Variants in BFAR observed in about 807,000 individuals in gnomAD.
BFAR encodes the protein bifunctional apoptosis regulator.
In BFAR, 52 loss-of-function variants were observed where a neutral mutation model predicts 54.4. The observed-to-expected ratio is 0.96, with a 90% CI of 0.77 to 1.21. The LOEUF is 1.21. Ranked by LOEUF, BFAR falls within the 50% of genes most tolerant of loss-of-function variation. The pLI, the probability that BFAR is intolerant of heterozygous loss-of-function variation, is 0.00. For missense variants in BFAR, 571 were observed against 534.0 expected (o/e 1.07, Z -0.68); for synonymous variants, 215 against 204.3 (o/e 1.05, Z -0.45).
At position 14,664,921 on chromosome 16, in the gene BFAR, C is replaced by G. The variant is rs137925406; in HGVS notation, c.1010C>G (p.Ser337Cys). 2.8e-5 allele frequency: 45 copies of G among 1,613,886 alleles called. No individual in the cohort carries two copies. The highest frequency in any genetic ancestry group is 3.4e-5 in the Non-Finnish European group (40 of 1,179,922). Residue 337 changes from serine to cysteine, a missense_variant, in exon 7 of 8, where the codon TCC (serine) becomes TGC (cysteine). Transcript: ENST00000261658. ...TGGAGAGAGTTCCTGGTCAAATACT[C>G]CTTCCTTCCATACCAGCTGATTGCT... The part of the protein sequence containing the change: ...KQWREFLVKY[S>C]FLPYQLIAEF...
rs1370387267 is a variant in BFAR at position 14,644,397 on chromosome 16, T to G, written c.51T>G (p.Asp17Glu). The change falls in exon 2 of 8, where the codon GAT becomes GAG. Residue 17 changes from aspartate (D) to glutamate (E), a missense_variant. Physicochemically the swap from Asp to Glu is conservative, Grantham distance 45 (BLOSUM62 2). Coordinates refer to ENST00000261658, the MANE Select transcript of BFAR (RefSeq NM_016561.3). ...SYVNTMDLER[D>E]EPLKSTGPQI... Reference sequence around the variant, plus strand: ...TGAACACAATGGACCTTGAGAGAGATGAACCTCTCAAAAGCACCGGCCCTC... The same window carrying G: ...TGAACACAATGGACCTTGAGAGAGAGGAACCTCTCAAAAGCACCGGCCCTC... 1.9e-6 allele frequency: 3 copies of G among 1,613,614 alleles called. No individual in the cohort carries two copies. Among genetic ancestry groups the G allele is most frequent in the Non-Finnish European group, 2.5e-6 (3 of 1,179,764 alleles).
In BFAR at chr16:14,665,004, A is replaced by G; in HGVS notation, c.1093A>G (p.Asn365Asp). 6.2e-7 allele frequency: 1 copy of G among 1,614,086 alleles called. No individual in the cohort carries two copies. Among genetic ancestry groups the G allele is most frequent in the Non-Finnish European group, 8.5e-7 (1 of 1,179,964 alleles). The change falls in exon 7 of 8, where the codon AAT (asparagine) becomes GAT (aspartate). Residue 365 changes from asparagine to aspartate, a missense_variant. Transcript: ENST00000261658. The part of the protein sequence containing the change: ...HYWTSRFLII[N>D]AMLLSVLELF... ...CTGGACATCACGGTTTCTCATCATC[A>G]ATGCTATGTTACTCTCAGTTCTGGA...
chr16:14,633,641 C>T (rs915214373), intron 1 of BFAR, among the ~76,000 whole-genome samples: 1 of 152,140 alleles, frequency 6.6e-6, no homozygotes, highest in African/African-American at 2.4e-5. Flanking sequence ...ATAACTTAGG[C>T]AAAAGAGAAT....
intron 5 of BFAR, among the ~76,000 whole-genome samples, chr16:14,657,888 T>TA (rs1555515268): frequency 3.6e-4 from 55 of 151,886 alleles, no homozygotes; most frequent in South Asian, 6.2e-4. Context: ...ATTAATCTCT[T>TA]AAAAAAAAAT....
intron 1 of BFAR, among the ~76,000 whole-genome samples, chr16:14,639,927 G>A (rs1046691144): frequency 6.6e-6 from 1 of 151,972 alleles, no homozygotes; most frequent in African/African-American, 2.4e-5. Context: ...GGGAGGTCGC[G>A]GTAGGCAGAT....
At chr16:14,667,227 C>T in intron 7 of BFAR, 1 of 161,608 alleles carries the variant, frequency 6.2e-6, no homozygotes, top group Non-Finnish European at 1.3e-5. Context: ...GTGATGTGTG[C>T]CTGTGGTCCC....
chr16:14,640,088 G>T (rs1373625460), intron 1 of BFAR, among the ~76,000 whole-genome samples: 1 of 151,180 alleles, frequency 6.6e-6, no homozygotes, highest in Non-Finnish European at 1.5e-5. Context: ...GGAGGTCGAG[G>T]CTACAGTGAG....
At chr16:14,667,389 A>G in intron 7 of BFAR, 3 of 474,788 alleles carry the variant, frequency 6.3e-6, no homozygotes, top group Admixed American at 3.6e-5. Flanking sequence ...GAAGCAGGTG[A>G]AGTTGAGGCT....
chr16:14,638,760 A>G (rs1000083127), intron 1 of BFAR, among the ~76,000 whole-genome samples: 3 of 152,108 alleles, frequency 2.0e-5, no homozygotes, highest in Non-Finnish European at 2.9e-5. Context: ...AGTCTGGCCA[A>G]CGTGGCAAAC....
Position 14,655,062 on chromosome 16 carries a change from A to C in BFAR, c.639-4A>C. 7.5e-6 allele frequency: 12 copies of C among 1,602,522 alleles called. No homozygotes were observed. Among genetic ancestry groups the C allele is most frequent in the Non-Finnish European group, 1.0e-5 (12 of 1,176,342 alleles). Reference sequence around the variant, plus strand: ...AAAATAAATCTCCTCCTGCCCCTCTACAGGTTGCTTTTAACTTTGACAGAG... The same window carrying C: ...AAAATAAATCTCCTCCTGCCCCTCTCCAGGTTGCTTTTAACTTTGACAGAG... On this transcript the variant is annotated splice_region_variant and splice_polypyrimidine_tract_variant and intron_variant, in intron 4 of 7. Transcript: ENST00000261658.
intron 6 of BFAR, among the ~76,000 whole-genome samples, chr16:14,663,872 C>CT (rs936602660): frequency 1.3e-4 from 20 of 149,136 alleles, no homozygotes; most frequent in South Asian, 4.2e-4. Flanking sequence ...ATAATTCATG[C>CT]TTTTTTTTTT....
At chr16:14,661,790 A>G (rs769448722) in intron 5 of BFAR, 102 bp from the exon 6 acceptor site, 8 of 1,299,302 alleles carry the variant, frequency 6.2e-6, no homozygotes, top group East Asian at 2.3e-5. Flanking sequence ...TGTGTGTACC[A>G]TGCAAAAAGG....
Position 14,633,038 on chromosome 16 carries a change from G to C in BFAR, c.-74+20G>C, listed in dbSNP as rs987743251. On this transcript the variant is annotated intron_variant, in intron 1 of 7. Transcript: ENST00000261658. The stretch of plus-strand genomic sequence containing the variant: ...GGAATGGTAAGCCGCGACACGGCTG[G>C]GGGGTGCTGAGGGGGCGACTCGGGC... The C allele has an allele frequency of 6.5e-6, 1 of 152,922 alleles. No homozygotes were observed. The highest frequency in any genetic ancestry group is 1.9e-4 in the East Asian group (1 of 5,220). 9.5% of individuals were successfully genotyped at this position (152,922 alleles called of 1,614,324 possible).
Position 14,669,108 on chromosome 16 carries a change from C to G in BFAR, c.*1281C>G, listed in dbSNP as rs558361855. On this transcript the variant is annotated 3_prime_UTR_variant, in exon 8 of 8. Coordinates refer to ENST00000261658, the MANE Select transcript of BFAR (RefSeq NM_016561.3). ...AATAGGCCTACATCCAAAATATTAT[C>G]TTGTGACTCCATGAACCATTCATTA... 6.6e-6 allele frequency: 3 copies of G among 451,978 alleles called. No homozygotes were observed. Among genetic ancestry groups the G allele is most frequent in the Admixed American group, 2.4e-5 (1 of 42,010 alleles). The allele number at this position is 451,978 out of a possible 1,614,324, so 28.0% of individuals were successfully genotyped here. A position where few individuals can be genotyped will look rare whatever the true frequency, so the allele number is the denominator to read the frequency against.
intron 1 of BFAR, among the ~76,000 whole-genome samples, chr16:14,640,151 C>CAA (rs549719277): frequency 3.6e-5 from 4 of 110,322 alleles, no homozygotes; most frequent in Non-Finnish European, 3.8e-5. Flanking sequence ...GACCTAGCTC[C>CAA]AAAAAAAAAA....
intron 1 of BFAR, among the ~76,000 whole-genome samples, chr16:14,637,089 CTCTT>C (rs1427987634): frequency 2.0e-5 from 3 of 152,096 alleles, no homozygotes; most frequent in Non-Finnish European, 2.9e-5. Context: ...AATCTGATCT[CTCTT>C]TCTTTTCCCC....
At chr16:14,650,187 G>A (rs1415687419) in intron 4 of BFAR, 6 of 415,832 alleles carry the variant, frequency 1.4e-5, no homozygotes, top group Non-Finnish European at 2.5e-5. Context: ...AAATTGGCCA[G>A]GCTTGGTAGT....
intron 7 of BFAR, among the ~76,000 whole-genome samples, chr16:14,665,992 C>T (rs892847227): frequency 6.6e-6 from 1 of 152,202 alleles, no homozygotes; most frequent in African/African-American, 2.4e-5. Flanking sequence ...CTGACTCTTT[C>T]TCTGTCCCTC....
At chr16:14,643,606 T>C (rs921882676) in intron 1 of BFAR, among the ~76,000 whole-genome samples, 1 of 151,960 alleles carries the variant, frequency 6.6e-6, no homozygotes, top group Non-Finnish European at 1.5e-5. Flanking sequence ...GCATCTCTAC[T>C]AAAAATACAA....
Sources: gnomAD v4.1 joint callset for allele counts (sites outside exome capture counted in the v4.1 genomes callset) on GRCh38, gnomAD v4.1.1 for gene constraint, MANE v1.5 for transcripts, NCBI Gene and HGNC (gene_info 2026-07-23, HGNC 2026-07-21) for gene names.